Variants in RAB18 observed in about 807,000 individuals in gnomAD.
The protein encoded by RAB18 is RAB18, member RAS oncogene family, also known as ras-related protein Rab-18.
In RAB18, 10 loss-of-function variants were observed where a neutral mutation model predicts 28.5. The ratio of observed to expected loss-of-function variants is 0.35; its 90% CI spans 0.22 to 0.60. The LOEUF (loss-of-function observed/expected upper bound fraction) is 0.60, where lower values mean the gene tolerates loss of function less well. RAB18 is among the 20% of genes least tolerant of loss of function. The probability of loss-of-function intolerance (pLI) is 0.78; values close to 1 mark genes in which losing one functional copy is unlikely to be tolerated. For synonymous variants in RAB18, 93 were observed against 86.9 expected (o/e 1.07, Z -0.39); for missense variants, 188 against 244.2 (o/e 0.77, Z 1.53).
rs930578716 is a variant in RAB18 at position 27,542,185 on chromosome 10, T to C, written c.*4134T>C. Reference sequence around the variant, plus strand: ...ATCAAATTGGACCTGAATTGAGATCTATTTCTCAGCTTTCACTTATGTGAG... The same window carrying C: ...ATCAAATTGGACCTGAATTGAGATCCATTTCTCAGCTTTCACTTATGTGAG... On this transcript the variant is annotated 3_prime_UTR_variant, in exon 7 of 7. Coordinates refer to ENST00000356940, the MANE Select transcript of RAB18 (RefSeq NM_021252.5). The C allele has an allele frequency of 6.6e-6, 3 of 454,024 alleles. No individual in the cohort carries two copies. The highest frequency in any genetic ancestry group is 6.0e-5 in the African/African-American group (3 of 50,000). 28.1% of individuals were successfully genotyped at this position (454,024 alleles called of 1,614,324 possible).
Position 27,538,811 on chromosome 10 carries a change from A to G in RAB18, c.*760A>G, listed in dbSNP as rs1347309585. On this transcript the variant is annotated 3_prime_UTR_variant, in exon 7 of 7. Coordinates refer to ENST00000356940, the MANE Select transcript of RAB18 (RefSeq NM_021252.5). ...TCCCCCATTTTGGTTTCAGGAGGAC[A>G]TGAATAGTGTGTTTATTGTAACTCC... 2 of 453,924 alleles carry G rather than the reference A, an allele frequency of 4.4e-6. No individual in the cohort carries two copies. Among genetic ancestry groups the G allele is most frequent in the African/African-American group, 2.0e-5 (1 of 50,014 alleles). The allele number at this position is 453,924 out of a possible 1,614,324, so 28.1% of individuals were successfully genotyped here.
intron 3 of RAB18, chr10:27,528,273 A>G: frequency 2.0e-6 from 1 of 488,234 alleles, no homozygotes; most frequent in South Asian, 1.5e-5. Flanking sequence ...GTATTATTGA[A>G]GAGACATTTT....
At chr10:27,519,097 C>G (rs1340320385) in intron 2 of RAB18, among the ~76,000 whole-genome samples, 2 of 151,246 alleles carry the variant, frequency 1.3e-5, no homozygotes, top group Non-Finnish European at 3.0e-5. Flanking sequence ...ACATAATAAA[C>G]CAACAAAACG....
intron 2 of RAB18, among the ~76,000 whole-genome samples, chr10:27,516,281 C>T (rs1834435838): frequency 1.3e-5 from 2 of 152,182 alleles, no homozygotes; most frequent in South Asian, 2.1e-4. Context: ...TTGGGCCAGG[C>T]GCAGTGGCTC....
At chr10:27,536,430 A>C (rs1387803431) in intron 6 of RAB18, among the ~76,000 whole-genome samples, 1 of 152,164 alleles carries the variant, frequency 6.6e-6, no homozygotes, top group African/African-American at 2.4e-5. Context: ...CTGTGATTCC[A>C]GCTGTTCTGG....
chr10:27,504,934 C>T (rs772553103), intron 1 of RAB18: 1 of 530,452 alleles, frequency 1.9e-6, no homozygotes, highest in South Asian at 1.4e-5. Flanking sequence ...CATTCCTGGC[C>T]TGTTTGGGCG....
At chr10:27,536,137 G>A (rs1281426390) in intron 6 of RAB18, among the ~76,000 whole-genome samples, 1 of 152,042 alleles carries the variant, frequency 6.6e-6, no homozygotes, top group African/African-American at 2.4e-5. Flanking sequence ...CATGAGCAGT[G>A]AGGTAGATTG....
At chr10:27,528,700 G>T (rs1432797189) in intron 3 of RAB18, among the ~76,000 whole-genome samples, 1 of 152,020 alleles carries the variant, frequency 6.6e-6, no homozygotes, top group Non-Finnish European at 1.5e-5. Context: ...AGCTCTTTGA[G>T]CATCCTGATT....
rs1834809417 is a variant in RAB18, at chr10:27,532,579, GGTAA to G, written c.259+3_259+6del. 6.3e-7 allele frequency: 1 copy of G among 1,586,688 alleles called. No individual in the cohort carries two copies. The highest frequency in any genetic ancestry group is 8.6e-7 in the Non-Finnish European group (1 of 1,156,608). On this transcript the variant is annotated splice_donor_variant and splice_donor_region_variant and intron_variant, in intron 4 of 6. Transcript: ENST00000356940. LOFTEE classifies it high-confidence loss of function. ...TAGAGGTGCACAGGGTGTTATATTA[GGTAA>G]GTGTTTACTTTAATGTACTATTTAA...
In RAB18 at chr10:27,510,818, A is replaced by G. The variant is rs1357900879; in HGVS notation, c.124+888A>G. Among the ~76,000 whole-genome samples the G allele has an allele frequency of 2.0e-5, 3 of 152,318 alleles. No individual in the cohort carries two copies. In the East Asian group the frequency reaches 5.8e-4, roughly 29 times the overall value. On this transcript the variant is annotated intron_variant, in intron 2 of 6. Transcript: ENST00000356940. ...CTGTTAACTGGCTTTATTTGTTTTC[A>G]TTGATTGTATGTCTATTTTTAAAAT...
At chr10:27,520,916 C>CAAAAAA (rs58688075) in intron 2 of RAB18, among the ~76,000 whole-genome samples, 3 of 40,084 alleles carry the variant, frequency 7.5e-5, no homozygotes, top group Admixed American at 4.3e-4. Flanking sequence ...GACTCCATCT[C>CAAAAAA]AAAAAAAAAA....
intron 6 of RAB18, 83 bp downstream of exon 6, chr10:27,534,077 G>C: frequency 7.6e-7 from 1 of 1,313,046 alleles, no homozygotes; most frequent in Non-Finnish European, 1.1e-6. Flanking sequence ...ATTTCTTTAT[G>C]AACCATAAAA....
intron 3 of RAB18, among the ~76,000 whole-genome samples, chr10:27,531,245 A>G (rs1468504078): frequency 6.6e-6 from 1 of 151,996 alleles, no homozygotes; most frequent in Non-Finnish European, 1.5e-5. Context: ...TATCTGTGGA[A>G]GAGTGGTGAA....
At chr10:27,534,795 G>A (rs1834859652) in intron 6 of RAB18, among the ~76,000 whole-genome samples, 1 of 152,204 alleles carries the variant, frequency 6.6e-6, no homozygotes, top group South Asian at 2.1e-4. Context: ...AAGCTACCAG[G>A]AATCTGCAAA....
chr10:27,504,601 G>T, intron 1 of RAB18, 164 bp downstream of exon 1: 2 of 853,228 alleles, frequency 2.3e-6, no homozygotes, highest in Non-Finnish European at 3.9e-6. Context: ...CGCGACGTTT[G>T]CTTTCCTCTC....
At position 27,532,594 on chromosome 10, in the gene RAB18, T is replaced by C; in HGVS notation, c.259+15T>C. Reference sequence around the variant, plus strand: ...TGTTATATTAGGTAAGTGTTTACTTTAATGTACTATTTAAAAATATTTATT... The same window carrying C: ...TGTTATATTAGGTAAGTGTTTACTTCAATGTACTATTTAAAAATATTTATT... On this transcript the variant is annotated intron_variant, in intron 4 of 6. Transcript: ENST00000356940. 6.5e-7 allele frequency: 1 copy of C among 1,540,138 alleles called. No homozygotes were observed. The highest frequency in any genetic ancestry group is 9.0e-7 in the Non-Finnish European group (1 of 1,115,206).
intron 1 of RAB18, among the ~76,000 whole-genome samples, chr10:27,505,777 C>G (rs932219620): frequency 6.6e-6 from 1 of 152,106 alleles, no homozygotes. Flanking sequence ...CCAGGATGGT[C>G]TCCATCTTTT....
Position 27,537,907 on chromosome 10 carries a change from A to G in RAB18, c.477A>G (p.Gln159=), listed in dbSNP as rs765279295. ...EASAKTCDGV[Q]CAFEELVEKI... is the part of the protein sequence containing the mutation. The stretch of plus-strand genomic sequence containing the variant: ...GTGCAAAAACCTGTGATGGTGTACA[A>G]TGTGCCTTTGAAGAACTTGTTGAAA... Residue 159 remains glutamine (Q), a synonymous_variant, in exon 7 of 7, where the codon CAA becomes CAG. Coordinates refer to ENST00000356940, the MANE Select transcript of RAB18 (RefSeq NM_021252.5). 8.1e-6 allele frequency: 13 copies of G among 1,614,052 alleles called. No homozygotes were observed. The highest frequency in any genetic ancestry group is 6.7e-5 in the Admixed American group (4 of 60,002).
rs1458215448 is a variant in RAB18, at chr10:27,537,981, G to A, written c.551G>A (p.Gly184Glu). Residue 184 changes from glycine (G) to glutamate (E), a missense_variant, in exon 7 of 7, where the codon GGA becomes GAA. Transcript: ENST00000356940. The stretch of plus-strand genomic sequence containing the variant: ...TGGGAAAGTGAGAACCAGAATAAAG[G>A]AGTCAAACTGTCACACAGGGAAGAA... ...GLWESENQNK[G>E]VKLSHREEGQ... 1 of 1,613,996 alleles carries A rather than the reference G, an allele frequency of 6.2e-7. No homozygotes were observed. The highest frequency in any genetic ancestry group is 1.3e-5 in the African/African-American group (1 of 74,922).
Sources: gnomAD v4.1 joint callset for allele counts (sites outside exome capture counted in the v4.1 genomes callset) on GRCh38, gnomAD v4.1.1 for gene constraint, MANE v1.5 for transcripts, NCBI Gene and HGNC (gene_info 2026-07-23, HGNC 2026-07-21) for gene names.